Variants in NAP1L1 observed in about 807,000 individuals in gnomAD.
NAP1L1 encodes the protein nucleosome assembly protein 1 like 1.
NAP1L1 carries 9 observed loss-of-function variants against 58.9 expected under a neutral mutation model. The ratio of observed to expected loss-of-function variants is 0.15; its 90% CI spans 0.09 to 0.27. The LOEUF is 0.27. Among genes scored for constraint, NAP1L1 ranks in the 10% least tolerant of loss-of-function variants. The probability of loss-of-function intolerance (pLI) is 1.00; values close to 1 mark genes in which losing one functional copy is unlikely to be tolerated. For synonymous variants in NAP1L1, 130 were observed against 138.3 expected, an observed-to-expected ratio of 0.94 and a Z score of 0.42; for missense variants, 302 against 458.8, an observed-to-expected ratio of 0.66 and a Z score of 3.12.
intron 11 of NAP1L1, among the ~76,000 whole-genome samples, chr12:76,051,248 T>G (rs1948811988): frequency 6.6e-6 from 1 of 152,076 alleles, no homozygotes; most frequent in African/African-American, 2.4e-5. Context: ...TTTTGCTGGT[T>G]TAAACATAAA....
intron 6 of NAP1L1, chr12:76,057,865 G>A: frequency 6.8e-7 from 1 of 1,476,458 alleles, no homozygotes; most frequent in Non-Finnish European, 9.3e-7. Context: ...AAAAAACAAA[G>A]ACGGTACCAC....
At chr12:76,068,103 A>G (rs1332235064) in intron 3 of NAP1L1, among the ~76,000 whole-genome samples, 1 of 152,224 alleles carries the variant, frequency 6.6e-6, no homozygotes, top group Non-Finnish European at 1.5e-5. Flanking sequence ...TCTCTTCATC[A>G]TCAATACAGT....
At position 76,068,947 on chromosome 12, in the gene NAP1L1, A is replaced by T; in HGVS notation, c.65T>A (p.Val22Glu). The change falls in exon 3 of 15, where the codon GTA becomes GAA. Residue 22 changes from valine (V) to glutamate (E), a missense_variant. Val to Glu is a moderately radical substitution (Grantham distance 121, BLOSUM62 -2). Coordinates refer to ENST00000618691, the MANE Select transcript of NAP1L1 (RefSeq NM_004537.7). ...TTCTTCACCAGTTTCCTCTTCTTCT[A>T]CTTCTTCAACATCATCCAAATCTTG... ...LDQDLDDVEEVEEEETGEETK... is the reference protein window; with the variant it reads ...LDQDLDDVEEEEEEETGEETK... 6.2e-7 allele frequency: 1 copy of T among 1,613,406 alleles called. No homozygotes were observed. The highest frequency in any genetic ancestry group is 8.5e-7 in the Non-Finnish European group (1 of 1,179,632).
chr12:76,044,704 G>GAA lies in NAP1L1; in HGVS notation c.*3723_*3724dup, dbSNP rs778847766. The GAA allele has an allele frequency of 6.6e-6, 1 of 152,152 alleles. No homozygotes were observed. Among genetic ancestry groups the GAA allele is most frequent in the Non-Finnish European group, 1.5e-5 (1 of 68,026 alleles). The allele number at this position is 152,152 out of a possible 1,614,324, so 9.4% of individuals were successfully genotyped here. ...TGAATAACTTAATTTTTGTAAACTG[G>GAA]AAAACCTGACAATATGATGTCAAAA... On this transcript the variant is annotated 3_prime_UTR_variant, in exon 15 of 15. Coordinates refer to ENST00000618691, the MANE Select transcript of NAP1L1 (RefSeq NM_004537.7).
intron 6 of NAP1L1, chr12:76,057,772 G>T: frequency 6.4e-7 from 1 of 1,550,914 alleles, no homozygotes; most frequent in Non-Finnish European, 8.7e-7. Flanking sequence ...ACAAGAAGCT[G>T]GAATCTGTCA....
chr12:76,079,152 C>G (rs1449981864), intron 1 of NAP1L1, among the ~76,000 whole-genome samples: 1 of 152,162 alleles, frequency 6.6e-6, no homozygotes, highest in Non-Finnish European at 1.5e-5. Flanking sequence ...CAATAAGACA[C>G]TAAAAGACAA....
In NAP1L1 at chr12:76,045,902, A is replaced by G. The variant is rs1159960449; in HGVS notation, c.*2527T>C. 1 of 152,060 alleles carries G rather than the reference A, an allele frequency of 6.6e-6. No homozygotes were observed. Among genetic ancestry groups the G allele is most frequent in the Admixed American group, 6.5e-5 (1 of 15,270 alleles). The allele number at this position is 152,060 out of a possible 1,614,324, so 9.4% of individuals were successfully genotyped here. ...GCATGGGCTGCTGGAAACTACAATC[A>G]GAGTGTAAAGACAAATCTCAAAAAT... is the stretch of plus-strand genomic sequence containing the variant. On this transcript the variant is annotated 3_prime_UTR_variant, in exon 15 of 15. Transcript: ENST00000618691.
At chr12:76,049,620 A>G in intron 13 of NAP1L1, 136 bp downstream of exon 13, 1 of 1,518,290 alleles carries the variant, frequency 6.6e-7, no homozygotes, top group South Asian at 1.2e-5. Flanking sequence ...TGGCTGTAGA[A>G]TTCTAAAATC....
rs1948735775 is a variant in NAP1L1, at chr12:76,049,793, G to A, written c.1060-8C>T. ...TTCACCTTCTTCATCATACTGAAAA[G>A]GAAAAACAGCGTTAAGTGTTGAGTG... On this transcript the variant is annotated splice_region_variant and splice_polypyrimidine_tract_variant and intron_variant, in intron 12 of 14. Transcript: ENST00000618691. 1.9e-6 allele frequency: 3 copies of A among 1,612,538 alleles called. No individual in the cohort carries two copies. The highest frequency in any genetic ancestry group is 1.7e-6 in the Non-Finnish European group (2 of 1,179,414).
chr12:76,072,509 G>A (rs1950002043), intron 2 of NAP1L1, among the ~76,000 whole-genome samples: 1 of 152,022 alleles, frequency 6.6e-6, no homozygotes, highest in African/African-American at 2.4e-5. Flanking sequence ...GAAAACAAAT[G>A]AGACAATCAC....
At chr12:76,060,068 C>A in intron 5 of NAP1L1, 70 bp downstream of exon 5, 1 of 1,510,770 alleles carries the variant, frequency 6.6e-7, no homozygotes, top group Non-Finnish European at 9.1e-7. Context: ...TAACCTCTTC[C>A]AAGTCTGCTT....
At chr12:76,058,217 ATATATATGTAT>A in intron 6 of NAP1L1, 6 of 181,918 alleles carry the variant, frequency 3.3e-5, no homozygotes, top group South Asian at 1.5e-4. Flanking sequence ...ATATATATAT[ATATATATGTAT>A]TCTACAGTAA....
intron 6 of NAP1L1, chr12:76,057,684 T>C: frequency 6.7e-7 from 1 of 1,488,122 alleles, no homozygotes; most frequent in Non-Finnish European, 9.2e-7. Context: ...ATATGCCTGA[T>C]GTTGCTAAAT....
chr12:76,068,920 G>C lies in NAP1L1; in HGVS notation c.92C>G (p.Thr31Arg), dbSNP rs141418050. Residue 31 changes from threonine (T) to arginine (R), a missense_variant, in exon 3 of 15, where the codon ACA becomes AGA. Physicochemically the swap from Thr to Arg is moderately conservative, Grantham distance 71 (BLOSUM62 -1). Coordinates refer to ENST00000618691, the MANE Select transcript of NAP1L1 (RefSeq NM_004537.7). Reference sequence around the variant, plus strand: ...ATTTAAAGTAATACCTTTGAGTTTTGTTTCTTCACCAGTTTCCTCTTCTTC... The same window carrying C: ...ATTTAAAGTAATACCTTTGAGTTTTCTTTCTTCACCAGTTTCCTCTTCTTC... ...EVEEEETGEE[T>R]KLKARQLTVQ... 6.2e-7 allele frequency: 1 copy of C among 1,611,150 alleles called. No homozygotes were observed. The highest frequency in any genetic ancestry group is 8.5e-7 in the Non-Finnish European group (1 of 1,177,730).
At chr12:76,080,302 T>C (rs1285709916) in intron 1 of NAP1L1, among the ~76,000 whole-genome samples, 2 of 152,314 alleles carry the variant, frequency 1.3e-5, no homozygotes, top group East Asian at 3.9e-4. Context: ...TTACAATTAT[T>C]TACAGTACAT....
chr12:76,049,959 C>T (rs1255276145), intron 12 of NAP1L1, among the ~76,000 whole-genome samples, 174 bp from the exon 13 acceptor site: 1 of 152,110 alleles, frequency 6.6e-6, no homozygotes, highest in Non-Finnish European at 1.5e-5. Context: ...ACTCTGCTCA[C>T]TGCCAATTTA....
At chr12:76,049,847 A>G (rs1343975742) in intron 12 of NAP1L1, 62 bp from the exon 13 acceptor site, 1 of 1,566,588 alleles carries the variant, frequency 6.4e-7, no homozygotes, top group African/African-American at 1.3e-5. Flanking sequence ...GAGTAGCATC[A>G]GTAACATTTA....
intron 7 of NAP1L1, 100 bp downstream of exon 7, chr12:76,055,933 T>C: frequency 8.1e-7 from 1 of 1,241,906 alleles, no homozygotes; most frequent in East Asian, 2.4e-5. Flanking sequence ...TAAGCAATCA[T>C]TCTAGAAAGA....
At chr12:76,053,401 C>T in intron 9 of NAP1L1, 51 bp from the exon 10 acceptor site, 1 of 1,570,908 alleles carries the variant, frequency 6.4e-7, no homozygotes, top group Non-Finnish European at 8.6e-7. Context: ...CTTTCAACTG[C>T]TAAACTTTTA....
Sources: gnomAD v4.1 joint callset for allele counts (sites outside exome capture counted in the v4.1 genomes callset) on GRCh38, gnomAD v4.1.1 for gene constraint, MANE v1.5 for transcripts, NCBI Gene and HGNC (gene_info 2026-07-23, HGNC 2026-07-21) for gene names.